TDRD9: variants seen among roughly 807,000 people sequenced by gnomAD.
TDRD9 encodes the protein ATP-dependent RNA helicase TDRD9.
A neutral mutation model predicts 172.6 loss-of-function variants in TDRD9; 124 were observed. That is an observed-to-expected ratio of 0.72 (90% confidence interval 0.62 to 0.83). The LOEUF (loss-of-function observed/expected upper bound fraction) is 0.83. Among genes scored for constraint, TDRD9 ranks in the 40% least tolerant of loss-of-function variants. The probability of loss-of-function intolerance (pLI) is 0.00; values close to 1 mark genes in which losing one functional copy is unlikely to be tolerated. For missense variants in TDRD9, 1,479 were observed against 1,714.1 expected, an observed-to-expected ratio of 0.86 and a Z score of 2.42; for synonymous variants, 619 against 617.1, an observed-to-expected ratio of 1.00 and a Z score of -0.05.
chr14:104,019,519 A>T (rs2034891275), intron 23 of TDRD9, among the ~76,000 whole-genome samples: 1 of 152,152 alleles, frequency 6.6e-6, no homozygotes, highest in Admixed American at 6.5e-5. Flanking sequence ...CCAGCTCTCA[A>T]GTCATAATAC....
At chr14:103,969,153 C>A (rs1482010100) in intron 5 of TDRD9, among the ~76,000 whole-genome samples, 1 of 144,248 alleles carries the variant, frequency 6.9e-6, no homozygotes, top group Non-Finnish European at 1.5e-5. Flanking sequence ...TTAAGCAAAT[C>A]ATTCATTCAA....
chr14:103,968,700 G>A, intron 5 of TDRD9, among the ~76,000 whole-genome samples: 1 of 144,894 alleles, frequency 6.9e-6, no homozygotes, highest in Non-Finnish European at 1.5e-5. Context: ...GGAGGCTGAG[G>A]CAGGAGAATG....
At chr14:103,941,506 GC>G in intron 1 of TDRD9, 1 of 1,535,212 alleles carries the variant, frequency 6.5e-7, no homozygotes, top group East Asian at 2.4e-5. Flanking sequence ...TAGTTTCTGA[GC>G]CAGTTGTAAT....
intron 1 of TDRD9, among the ~76,000 whole-genome samples, chr14:103,931,012 A>G (rs113089353): frequency 0.023 from 3,468 of 152,216 alleles, 79 homozygotes; most frequent in East Asian, 0.071. Context: ...ATTAGATTCA[A>G]TCTGGGTGTG....
chr14:103,994,407 CT>C (rs1360437121), intron 10 of TDRD9, 21 bp downstream of exon 10: 33 of 1,610,086 alleles, frequency 2.0e-5, no homozygotes, highest in Non-Finnish European at 2.6e-5. Context: ...AATGATACAG[CT>C]GTATTCTTCT....
intron 15 of TDRD9, among the ~76,000 whole-genome samples, chr14:104,006,076 G>A (rs959088175): frequency 2.6e-5 from 4 of 152,156 alleles, no homozygotes; most frequent in African/African-American, 9.7e-5. Context: ...TGTTGACAGT[G>A]ACAGCTGGGA....
intron 7 of TDRD9, among the ~76,000 whole-genome samples, chr14:103,976,221 G>C (rs74614463): frequency 6.6e-6 from 1 of 151,754 alleles, no homozygotes; most frequent in African/African-American, 2.4e-5. Context: ...TCATGGCTGA[G>C]TAGTATTTAA....
intron 23 of TDRD9, among the ~76,000 whole-genome samples, chr14:104,021,797 G>A (rs941218724): frequency 6.6e-6 from 1 of 152,136 alleles, no homozygotes; most frequent in African/African-American, 2.4e-5. Flanking sequence ...TTTATTTTAT[G>A]ATAGTAAAGA....
chr14:104,022,821 C>T (rs1289502569), intron 24 of TDRD9, among the ~76,000 whole-genome samples: 1 of 152,092 alleles, frequency 6.6e-6, no homozygotes, highest in Non-Finnish European at 1.5e-5. Context: ...TGCATCATCT[C>T]CTCACTGTGT....
At chr14:103,968,482 G>A (rs963554996) in intron 5 of TDRD9, among the ~76,000 whole-genome samples, 3 of 152,102 alleles carry the variant, frequency 2.0e-5, no homozygotes, top group African/African-American at 7.2e-5. Context: ...AAACTTTCCA[G>A]CTCTTAAGGA....
At chr14:103,929,096 C>T (rs1393008734) in intron 1 of TDRD9, among the ~76,000 whole-genome samples, 3 of 152,018 alleles carry the variant, frequency 2.0e-5, no homozygotes, top group Non-Finnish European at 4.4e-5. Flanking sequence ...AGTCGGCGAA[C>T]CTGCATCGCT....
At position 104,034,075 on chromosome 14, in the gene TDRD9, T is replaced by G; in HGVS notation, c.3619+6T>G. ...CCTTTCCATCAATGCGACTGGTAAT[T>G]TAAAGATCCTGTTTATTCCTTGTCC... On this transcript the variant is annotated splice_donor_region_variant and intron_variant, in intron 31 of 35. Transcript: ENST00000409874. The G allele has an allele frequency of 6.5e-7, 1 of 1,534,134 alleles. No homozygotes were observed. The highest frequency in any genetic ancestry group is 1.2e-5 in the South Asian group (1 of 83,708).
intron 6 of TDRD9, among the ~76,000 whole-genome samples, chr14:103,972,364 C>T (rs901299496): frequency 6.6e-6 from 1 of 151,782 alleles, no homozygotes; most frequent in African/African-American, 2.4e-5. Flanking sequence ...TCCCTGTGTT[C>T]GAAATAGCAC....
At chr14:103,947,089 G>C (rs1485799873) in intron 1 of TDRD9, among the ~76,000 whole-genome samples, 1 of 151,922 alleles carries the variant, frequency 6.6e-6, no homozygotes, top group Non-Finnish European at 1.5e-5. Flanking sequence ...AAACAATCTT[G>C]AAAAAGAAGT....
At chr14:103,946,337 A>G (rs532074726) in intron 1 of TDRD9, among the ~76,000 whole-genome samples, 89 of 152,332 alleles carry the variant, frequency 5.8e-4, no homozygotes, top group Non-Finnish European at 1.1e-3. Flanking sequence ...TTAAGGTAAA[A>G]AGTACATTTC....
intron 1 of TDRD9, among the ~76,000 whole-genome samples, chr14:103,942,587 T>C (rs1383567295): frequency 6.6e-6 from 1 of 152,226 alleles, no homozygotes; most frequent in Non-Finnish European, 1.5e-5. Flanking sequence ...AGTGCTGTAT[T>C]TTTATGCCTG....
chr14:104,022,467 C>T, intron 24 of TDRD9, 137 bp downstream of exon 24: 1 of 893,920 alleles, frequency 1.1e-6, no homozygotes, highest in Non-Finnish European at 1.7e-6. Context: ...GGGGCTCACG[C>T]CACTCATCCA....
chr14:103,951,594 T>C (rs1347833421), intron 1 of TDRD9, among the ~76,000 whole-genome samples: 1 of 152,182 alleles, frequency 6.6e-6, no homozygotes, highest in Non-Finnish European at 1.5e-5. Context: ...TTTGAAACAT[T>C]TTATTTGCTT....
At chr14:103,960,752 A>T (rs1202262067) in intron 2 of TDRD9, among the ~76,000 whole-genome samples, 1 of 152,218 alleles carries the variant, frequency 6.6e-6, no homozygotes, top group Non-Finnish European at 1.5e-5. Context: ...TATGGTATAG[A>T]CAGTACCGTT....
Sources: allele counts gnomAD v4.1 joint callset (sites outside exome capture counted in the v4.1 genomes callset), GRCh38; gene constraint gnomAD v4.1.1; transcripts MANE v1.5; gene names NCBI Gene and HGNC (gene_info 2026-07-23, HGNC 2026-07-21).